VILL: variants seen among roughly 807,000 people sequenced by gnomAD.
VILL encodes the protein villin-like protein.
VILL carries 102 observed loss-of-function variants against 106.3 expected under a neutral mutation model. The observed-to-expected ratio is 0.96, with a 90% CI of 0.82 to 1.13. VILL has a LOEUF of 1.13. VILL is among the 50% of genes most tolerant of loss of function. The pLI is 0.00. For missense variants in VILL, 1,076 were observed against 1,116.6 expected (o/e 0.96, Z 0.52); for synonymous variants, 431 against 440.3 (o/e 0.98, Z 0.27).
chr3:37,988,934 T>C (rs991010498), upstream of VILL, among the ~76,000 whole-genome samples: 2 of 152,328 alleles, frequency 1.3e-5, no homozygotes, highest in Non-Finnish European at 2.9e-5. Flanking sequence ...TTTTTAAATC[T>C]TGTGAAAAAA....
intron 13 of VILL, 120 bp downstream of exon 13, chr3:38,001,980 T>TCCTGCTTATCATCCCCTAGTTG: frequency 6.7e-7 from 1 of 1,491,286 alleles, no homozygotes; most frequent in Non-Finnish European, 9.1e-7. Flanking sequence ...TCCCCTAGTT[T>TCCTGCTTATCATCCCCTAGTTG]CCCAGAGCTT....
At chr3:38,001,247 C>T (rs1699809928) in intron 11 of VILL, 2 of 715,726 alleles carry the variant, frequency 2.8e-6, no homozygotes, top group Admixed American at 5.9e-5. Flanking sequence ...TGGTGGGTTT[C>T]AGGGGTCCGT....
chr3:38,002,685 G>T (rs975962531), intron 14 of VILL, 110 bp downstream of exon 14: 1 of 1,281,250 alleles, frequency 7.8e-7, no homozygotes, highest in African/African-American at 1.5e-5. Flanking sequence ...CAGATAGGCC[G>T]ATGGGGGGAA....
Position 37,994,292 on chromosome 3 carries a change from C to T in VILL, c.167C>T (p.Ala56Val), listed in dbSNP as rs767246936. The T allele has an allele frequency of 1.9e-6, 3 of 1,611,036 alleles. No individual in the cohort carries two copies. Among genetic ancestry groups the T allele is most frequent in the South Asian group, 1.1e-5 (1 of 91,036 alleles). Residue 56 changes from alanine (A) to valine (V), a missense_variant, in exon 4 of 20, where the codon GCG becomes GTG. By Grantham distance (64) the Ala-to-Val change is moderately conservative. Transcript: ENST00000383759. ...VPQSPKATQG[A>V]SSDLHYWVGK... ...CAGAGCCCGAAGGCCACGCAGGGGG[C>T]GTCCAGCGACCTGCACTACTGGGTC...
Position 37,993,740 on chromosome 3 carries a change from G to C in VILL, c.60+8G>C. ...CACATATGGATCTCTGAGGTGAGAG[G>C]CACGACCAAATAGGAGAGTTGGTGA... On this transcript the variant is annotated splice_region_variant and intron_variant, in intron 2 of 19. Coordinates refer to ENST00000383759, the MANE Select transcript of VILL (RefSeq NM_015873.4). 2 of 1,613,994 alleles carry C rather than the reference G, an allele frequency of 1.2e-6. No homozygotes were observed. Among genetic ancestry groups the C allele is most frequent in the South Asian group, 1.1e-5 (1 of 91,078 alleles).
Position 37,997,436 on chromosome 3 carries a change from G to A in VILL, c.562-47G>A. 5.6e-6 allele frequency: 9 copies of A among 1,596,240 alleles called. No homozygotes were observed. The highest frequency in any genetic ancestry group is 7.7e-6 in the Non-Finnish European group (9 of 1,169,668). On this transcript the variant is annotated intron_variant, in intron 6 of 19. Transcript: ENST00000383759. The surrounding 1 kb of genome is among the most constrained non-coding windows in gnomAD (Gnocchi z 4.7). ...CAGTGACAGGAGAAGTCTCTGCTGTGAGAGGGCACACTGGTGACACCCTGA... is the reference window on the plus strand; with the variant it reads ...CAGTGACAGGAGAAGTCTCTGCTGTAAGAGGGCACACTGGTGACACCCTGA...
chr3:37,997,821 G>C lies in VILL; in HGVS notation c.764+136G>C. ...GTTTCTGGGACAGGTCATGTGGACC[G>C]TGGGTCCAGCCTGTACTCTTCCATG... is the stretch of plus-strand genomic sequence containing the variant. On this transcript the variant is annotated intron_variant, in intron 7 of 19. Coordinates refer to ENST00000383759, the MANE Select transcript of VILL (RefSeq NM_015873.4). The surrounding 1 kb of genome is among the most constrained non-coding windows in gnomAD (Gnocchi z 4.7). 2.9e-6 allele frequency: 3 copies of C among 1,020,252 alleles called. No individual in the cohort carries two copies. The highest frequency in any genetic ancestry group is 4.3e-6 in the Non-Finnish European group (3 of 704,376). 63.2% of individuals were successfully genotyped at this position (1,020,252 alleles called of 1,614,324 possible).
chr3:37,995,859 A>C lies in VILL; in HGVS notation c.450+12A>C. 1 of 1,608,940 alleles carries C rather than the reference A, an allele frequency of 6.2e-7. No homozygotes were observed. Among genetic ancestry groups the C allele is most frequent in the Non-Finnish European group, 8.5e-7 (1 of 1,175,796 alleles). ...TGTCTGCCACTGAGGTGAGGCTGCC[A>C]GGGGAGCCTCTTGACCTCTGAACTC... is the stretch of plus-strand genomic sequence containing the variant. On this transcript the variant is annotated intron_variant, in intron 5 of 19. Coordinates refer to ENST00000383759, the MANE Select transcript of VILL (RefSeq NM_015873.4).
At chr3:38,004,036 C>T (rs905058388) in intron 15 of VILL, 14 of 504,796 alleles carry the variant, frequency 2.8e-5, no homozygotes, top group Non-Finnish European at 4.1e-5. Context: ...GGGCACCTTG[C>T]GTCACAGCTG....
rs1398391607 is a variant in VILL, at chr3:38,004,394, C to A, written c.1945C>A (p.Gln649Lys). 1.2e-6 allele frequency: 2 copies of A among 1,605,174 alleles called. No individual in the cohort carries two copies. Among genetic ancestry groups the A allele is most frequent in the East Asian group, 4.5e-5 (2 of 44,596 alleles). The change falls in exon 16 of 20, where the codon CAG becomes AAG. Residue 649 changes from glutamine (Q) to lysine (K), a missense_variant. Gln to Lys is a moderately conservative substitution (Grantham distance 53). Transcript: ENST00000383759. ...KYDIMLLDTW[Q>K]EIFLWLGEAA... ...TGACATCATGTTACTGGACACCTGG[C>A]AGGAGGTAAGGTGGCCATCCCTGCC...
chr3:37,994,246 AC>A lies in VILL; in HGVS notation c.136-14del. 1 of 1,596,126 alleles carries A rather than the reference AC, an allele frequency of 6.3e-7. No homozygotes were observed. The highest frequency in any genetic ancestry group is 8.5e-7 in the Non-Finnish European group (1 of 1,174,604). On this transcript the variant is annotated splice_polypyrimidine_tract_variant and intron_variant, in intron 3 of 19. Transcript: ENST00000383759. The stretch of plus-strand genomic sequence containing the variant: ...TCTTCCCCGCAACACATATACACAA[AC>A]ACCCGGACCCTAGGTCCCCCAGAGC...
chr3:38,005,171 T>C (rs900671410), intron 16 of VILL, among the ~76,000 whole-genome samples: 1 of 152,104 alleles, frequency 6.6e-6, no homozygotes, highest in African/African-American at 2.4e-5. Flanking sequence ...ACTGTTTGAA[T>C]TGGTGATGAA....
chr3:38,002,618 G>C (rs368297262), intron 14 of VILL, 43 bp downstream of exon 14: 1 of 1,585,946 alleles, frequency 6.3e-7, no homozygotes, highest in Non-Finnish European at 8.6e-7. Context: ...CAGATGTAGT[G>C]GTGCCAGGCT....
rs566330560 is a variant in VILL, at chr3:37,994,533, G to A, written c.341+67G>A. The A allele has an allele frequency of 8.1e-5, 126 of 1,561,948 alleles. No individual in the cohort carries two copies. In the African/African-American group the frequency reaches 1.5e-3, roughly 18 times the overall value. On this transcript the variant is annotated intron_variant, in intron 4 of 19. Coordinates refer to ENST00000383759, the MANE Select transcript of VILL (RefSeq NM_015873.4). ...CGGTGCCTTGGCTGGGGCAGTCTTG[G>A]GATGGCCATCGTCCACATCCCTGAA...
chr3:38,005,849 C>T lies in VILL; in HGVS notation c.2008C>T (p.Gln670Ter), dbSNP rs1371180427. Reference protein sequence around the residue: ...SEWKEAVAWGQEYLKTHPAGR... With the variant: ...SEWKEAVAWG ...GTGGAAGGAGGCGGTGGCCTGGGGC[C>T]AGGAGTACCTGAAGACTCACCCAGC... The change falls in exon 17 of 20, where the codon CAG becomes TAG. Residue 670 changes from glutamine to a stop codon, truncating the protein, a stop_gained. Coordinates refer to ENST00000383759, the MANE Select transcript of VILL (RefSeq NM_015873.4). LOFTEE classifies it high-confidence loss of function. 1.2e-6 allele frequency: 2 copies of T among 1,614,036 alleles called. No individual in the cohort carries two copies. Among genetic ancestry groups the T allele is most frequent in the Non-Finnish European group, 1.7e-6 (2 of 1,179,980 alleles).
intron 17 of VILL, 68 bp downstream of exon 17, chr3:38,006,042 G>A: frequency 6.3e-7 from 1 of 1,589,858 alleles, no homozygotes; most frequent in Non-Finnish European, 8.6e-7. Context: ...CTGGGCCAAT[G>A]GAATGAGGAG....
At chr3:38,002,722 C>A (rs1699842259) in intron 14 of VILL, 147 bp downstream of exon 14, 2 of 957,536 alleles carry the variant, frequency 2.1e-6, no homozygotes, top group East Asian at 2.7e-5. Flanking sequence ...CCACAGGGTC[C>A]CCTCTAGAAC....
chr3:38,003,297 T>A lies in VILL; in HGVS notation c.1789T>A (p.Tyr597Asn), dbSNP rs747937617. The change falls in exon 15 of 20, where the codon TAC (tyrosine) becomes AAC (asparagine). Residue 597 changes from tyrosine to asparagine, a missense_variant. By Grantham distance (143) the Tyr-to-Asn change is moderately radical (BLOSUM62 -2). Coordinates refer to ENST00000383759, the MANE Select transcript of VILL (RefSeq NM_015873.4). ...FWEALGGRAP[Y>N]PSNKRLPEEV... Reference sequence around the variant, plus strand: ...GGAGGCCCTGGGAGGCCGGGCCCCCTACCCCAGCAACAAGAGGTAACAGGG... The same window carrying A: ...GGAGGCCCTGGGAGGCCGGGCCCCCAACCCCAGCAACAAGAGGTAACAGGG... 6.2e-7 allele frequency: 1 copy of A among 1,610,746 alleles called. No individual in the cohort carries two copies. The highest frequency in any genetic ancestry group is 8.5e-7 in the Non-Finnish European group (1 of 1,178,872).
At chr3:38,005,768 G>T in intron 16 of VILL, 24 bp from the exon 17 acceptor site, 6 of 1,591,876 alleles carry the variant, frequency 3.8e-6, no homozygotes, top group Non-Finnish European at 5.1e-6. Context: ...ACCTGCCCAA[G>T]GCCAGGTCCC....
Sources: gnomAD v4.1 joint callset for allele counts (sites outside exome capture counted in the v4.1 genomes callset) on GRCh38, gnomAD v4.1.1 for gene constraint, Gnocchi (gnomAD v3.1) non-coding constraint, MANE v1.5 for transcripts, NCBI Gene and HGNC (gene_info 2026-07-23, HGNC 2026-07-21) for gene names.